Variants in EPHX4 observed in about 807,000 individuals in gnomAD.
EPHX4 encodes the protein abhydrolase domain containing 7.
A neutral mutation model predicts 44.9 loss-of-function variants in EPHX4; 31 were observed. That is an observed-to-expected ratio of 0.69 (90% CI 0.52 to 0.93). The LOEUF (loss-of-function observed/expected upper bound fraction) is 0.93. Among genes scored for constraint, EPHX4 ranks in the 40% least tolerant of loss-of-function variants. The pLI is 0.00. For missense variants in EPHX4, 373 were observed against 438.1 expected, an observed-to-expected ratio of 0.85 and a Z score of 1.33; for synonymous variants, 151 against 159.7, an observed-to-expected ratio of 0.95 and a Z score of 0.41.
chr1:92,043,162 T>C, intron 3 of EPHX4, 182 bp downstream of exon 3: 1 of 494,592 alleles, frequency 2.0e-6, no homozygotes, highest in Non-Finnish European at 3.5e-6. Flanking sequence ...ATGATGCATC[T>C]AGAGCAACTA....
intron 4 of EPHX4, 43 bp from the exon 5 acceptor site, chr1:92,050,274 T>C (rs1295571222): frequency 8.0e-7 from 1 of 1,249,434 alleles, no homozygotes; most frequent in Non-Finnish European, 1.1e-6. Context: ...AGTAAGTAAT[T>C]TATACCCCTT....
intron 6 of EPHX4, among the ~76,000 whole-genome samples, chr1:92,057,967 A>T (rs1361085824): frequency 6.6e-6 from 1 of 152,200 alleles, no homozygotes; most frequent in Non-Finnish European, 1.5e-5. Flanking sequence ...TAAAAGGAAG[A>T]TATGTTTCAG....
chr1:92,030,345 G>A, intron 1 of EPHX4, 35 bp downstream of exon 1: 1 of 1,458,986 alleles, frequency 6.9e-7, no homozygotes, highest in South Asian at 1.4e-5. Context: ...GGAGCGGGAG[G>A]GAGCGTGACC....
chr1:92,039,852 C>T (rs566796917), intron 2 of EPHX4, among the ~76,000 whole-genome samples: 213 of 152,244 alleles, frequency 1.4e-3, no homozygotes, highest in African/African-American at 5.0e-3. Flanking sequence ...CGTGGTTTCA[C>T]CATGTTGGCC....
chr1:92,030,692 G>C (rs998884732), intron 1 of EPHX4, among the ~76,000 whole-genome samples: 1 of 152,016 alleles, frequency 6.6e-6, no homozygotes, highest in Non-Finnish European at 1.5e-5. Flanking sequence ...TTAGAGCTCA[G>C]ATCAGCTGTA....
At chr1:92,054,762 G>A (rs1647327854) in intron 6 of EPHX4, among the ~76,000 whole-genome samples, 2 of 151,866 alleles carry the variant, frequency 1.3e-5, no homozygotes, top group Admixed American at 1.3e-4. Flanking sequence ...TATCAAGACA[G>A]GCTGGAAAGA....
intron 6 of EPHX4, among the ~76,000 whole-genome samples, chr1:92,059,762 C>G (rs1647448481): frequency 6.6e-6 from 1 of 152,098 alleles, no homozygotes; most frequent in African/African-American, 2.4e-5. Flanking sequence ...AGGAATGACT[C>G]TAACAAAAGA....
At chr1:92,036,361 C>T (rs183421936) in intron 2 of EPHX4, among the ~76,000 whole-genome samples, 4 of 152,308 alleles carry the variant, frequency 2.6e-5, no homozygotes, top group African/African-American at 9.6e-5. Context: ...ATTTACTCCT[C>T]ATGAGAGCCC....
chr1:92,054,056 C>G (rs1167136814), intron 6 of EPHX4, among the ~76,000 whole-genome samples: 1 of 152,104 alleles, frequency 6.6e-6, no homozygotes, highest in African/African-American at 2.4e-5. Context: ...AAATGAGATT[C>G]CATTTCTCTT....
At chr1:92,052,700 C>G in intron 6 of EPHX4, 42 bp downstream of exon 6, 1 of 1,509,360 alleles carries the variant, frequency 6.6e-7, no homozygotes, top group Non-Finnish European at 8.9e-7. Flanking sequence ...ATATTTCAGT[C>G]TGATCCTACA....
In EPHX4 at chr1:92,063,150, CAA is replaced by C. The variant is rs773814930; in HGVS notation, c.955_956del (p.Lys319AspfsTer4). The C allele has an allele frequency of 6.2e-7, 1 of 1,614,064 alleles. No homozygotes were observed. Among genetic ancestry groups the C allele is most frequent in the Admixed American group, 1.7e-5 (1 of 60,008 alleles). ...ATGGAGGTTGAGATGGCTGAAGTCA[CAA>C]AGATTTATGTTAAAAACTATTTCAG... On this transcript the variant is annotated frameshift_variant, in exon 7 of 7. Coordinates refer to ENST00000370383, the MANE Select transcript of EPHX4 (RefSeq NM_173567.5). LOFTEE classifies it high-confidence loss of function.
chr1:92,061,974 G>A (rs769842160), intron 6 of EPHX4, among the ~76,000 whole-genome samples: 2 of 152,038 alleles, frequency 1.3e-5, no homozygotes, highest in African/African-American at 4.8e-5. Context: ...TTGGGAGGCC[G>A]AGATGGGAGG....
intron 2 of EPHX4, among the ~76,000 whole-genome samples, chr1:92,034,255 G>A (rs1303637392): frequency 6.3e-5 from 9 of 142,972 alleles, no homozygotes; most frequent in Admixed American, 4.3e-4. Flanking sequence ...AGCCGAGCTC[G>A]TGCCACTGCA....
At position 92,052,563 on chromosome 1, in the gene EPHX4, C is replaced by A; in HGVS notation, c.762C>A (p.Cys254Ter). The part of the protein sequence containing the change: ...SHSTGIGRKG[C>*]QLTTEDLEAY... The stretch of plus-strand genomic sequence containing the variant: ...GCACTGGCATTGGAAGAAAAGGATG[C>A]CAATTAACAACAGAGGATCTTGAAG... Residue 254 changes from cysteine (C) to a stop codon, truncating the protein, a stop_gained, in exon 6 of 7, where the codon TGC becomes TGA. Coordinates refer to ENST00000370383, the MANE Select transcript of EPHX4 (RefSeq NM_173567.5). LOFTEE classifies it high-confidence loss of function. The A allele has an allele frequency of 6.2e-7, 1 of 1,612,020 alleles. No homozygotes were observed. The highest frequency in any genetic ancestry group is 1.7e-5 in the Admixed American group (1 of 59,728).
Position 92,030,125 on chromosome 1 carries a change from C to G in EPHX4, c.46C>G (p.Arg16Gly). Residue 16 changes from arginine (R) to glycine (G), a missense_variant, in exon 1 of 7, where the codon CGG (arginine) becomes GGG (glycine). Physicochemically the swap from Arg to Gly is moderately radical, Grantham distance 125. Coordinates refer to ENST00000370383, the MANE Select transcript of EPHX4 (RefSeq NM_173567.5). ...CCTGCCCCGCCTGATGCTCACGCTC[C>G]GGTCCCTGCTCTTCTGGTCCCTGGT... is the stretch of plus-strand genomic sequence containing the variant. ...DCLPRLMLTLRSLLFWSLVYC... is the reference protein window; with the variant it reads ...DCLPRLMLTLGSLLFWSLVYC... 1.9e-6 allele frequency: 3 copies of G among 1,611,140 alleles called. No individual in the cohort carries two copies. Among genetic ancestry groups the G allele is most frequent in the East Asian group, 2.2e-5 (1 of 44,540 alleles).
intron 2 of EPHX4, among the ~76,000 whole-genome samples, chr1:92,039,627 A>G (rs1688482888): frequency 6.6e-6 from 1 of 152,296 alleles, no homozygotes; most frequent in African/African-American, 2.4e-5. Context: ...CAGTCTAGCC[A>G]AAAAAGACAC....
intron 1 of EPHX4, 137 bp downstream of exon 1, chr1:92,030,447 C>A: frequency 2.4e-6 from 1 of 413,064 alleles, no homozygotes; most frequent in Non-Finnish European, 4.0e-6. Context: ...GGGGTTGGGT[C>A]CCTGTGTGTC....
chr1:92,032,548 G>T lies in EPHX4; in HGVS notation c.275G>T (p.Gly92Val). The T allele has an allele frequency of 6.2e-7, 1 of 1,614,052 alleles. No homozygotes were observed. ...RFHYVAAGER[G>V]KPLMLLLHGF... ...CACTATGTTGCTGCTGGAGAAAGAGGCAAACCACTTATGCTGCTGCTTCAT... is the reference window on the plus strand; with the variant it reads ...CACTATGTTGCTGCTGGAGAAAGAGTCAAACCACTTATGCTGCTGCTTCAT... The change falls in exon 2 of 7, where the codon GGC becomes GTC. Residue 92 changes from glycine to valine, a missense_variant. Gly to Val is a moderately radical substitution (Grantham distance 109, BLOSUM62 -3). Transcript: ENST00000370383.
chr1:92,047,056 T>C (rs947643115), intron 4 of EPHX4, among the ~76,000 whole-genome samples: 3 of 152,212 alleles, frequency 2.0e-5, no homozygotes, highest in African/African-American at 4.8e-5. Flanking sequence ...GTAGCAGATA[T>C]AAGTTTTCCA....
Sources: allele counts gnomAD v4.1 joint callset (sites outside exome capture counted in the v4.1 genomes callset), GRCh38; gene constraint gnomAD v4.1.1; transcripts MANE v1.5; gene names NCBI Gene and HGNC (gene_info 2026-07-23, HGNC 2026-07-21).